Variants in COL17A1 observed in about 807,000 individuals in gnomAD.
COL17A1 encodes the protein collagen alpha-1(XVII) chain.
A neutral mutation model predicts 218.4 loss-of-function variants in COL17A1; 181 were observed. The observed-to-expected ratio is 0.83, with a 90% CI of 0.73 to 0.94. The LOEUF (loss-of-function observed/expected upper bound fraction) is 0.94. Ranked by LOEUF, COL17A1 falls within the 40% of genes least tolerant of loss-of-function variation. The pLI is 0.00. For synonymous variants in COL17A1, 721 were observed against 731.0 expected (o/e 0.99, Z 0.22); for missense variants, 1,924 against 1,945.9 (o/e 0.99, Z 0.21).
At position 104,038,525 on chromosome 10, in the gene COL17A1, C is replaced by A. The variant is rs758984573; in HGVS notation, c.2951G>T (p.Gly984Val). The part of the protein sequence containing the change: ...LGIPSGPSEG[G>V]SSSTMYVSGP... ...TGACACGTACATGGTACTTGATGAT[C>A]CCCCTGCAGCAAAGAGAAAGCGTCC... The change falls in exon 45 of 56, where the codon GGA (glycine) becomes GTA (valine). Residue 984 changes from glycine to valine, a missense_variant. Gly to Val is a moderately radical substitution (Grantham distance 109, BLOSUM62 -3). Coordinates refer to ENST00000648076, the MANE Select transcript of COL17A1 (RefSeq NM_000494.4). 6.2e-7 allele frequency: 1 copy of A among 1,611,994 alleles called. No homozygotes were observed. Among genetic ancestry groups the A allele is most frequent in the Non-Finnish European group, 8.5e-7 (1 of 1,179,948 alleles).
Position 104,077,521 on chromosome 10 carries a change from C to T in COL17A1, c.103G>A (p.Gly35Arg), listed in dbSNP as rs770596972. ...TRLTSLPPKG[G>R]TSNGYAKTAS... Reference sequence around the variant, plus strand: ...GTTTTAGCATAGCCATTGCTGGTCCCGCCTTCTGCCAGGAACAAAAGCAGG... The same window carrying T: ...GTTTTAGCATAGCCATTGCTGGTCCTGCCTTCTGCCAGGAACAAAAGCAGG... The change falls in exon 4 of 56, where the codon GGG becomes AGG. Residue 35 changes from glycine to arginine, a missense_variant. By Grantham distance (125) the Gly-to-Arg change is moderately radical (BLOSUM62 -2). Coordinates refer to ENST00000648076, the MANE Select transcript of COL17A1 (RefSeq NM_000494.4). 23 of 1,610,696 alleles carry T rather than the reference C, an allele frequency of 1.4e-5. No homozygotes were observed. Among genetic ancestry groups the T allele is most frequent in the East Asian group, 8.9e-5 (4 of 44,844 alleles).
chr10:104,036,662 C>A, intron 47 of COL17A1, 30 bp from the exon 48 acceptor site: 3 of 1,611,784 alleles, frequency 1.9e-6, no homozygotes, highest in Non-Finnish European at 1.7e-6. Flanking sequence ...CTAGCAGGAC[C>A]CACCCAGGCC....
At position 104,054,986 on chromosome 10, in the gene COL17A1, G is replaced by T; in HGVS notation, c.1739C>A (p.Pro580His). Residue 580 changes from proline to histidine, a missense_variant, in exon 20 of 56, where the codon CCT becomes CAT. Transcript: ENST00000648076. ...AATGCCCATGTTATAATTACCTTTA[G>T]GGCCTGGACTTCCCATGTCACCTGA... ...GPKGDMGSPG[P>H]KGDRGFPGTP... 1.2e-6 allele frequency: 2 copies of T among 1,614,084 alleles called. No individual in the cohort carries two copies. Among genetic ancestry groups the T allele is most frequent in the South Asian group, 1.1e-5 (1 of 91,058 alleles).
intron 32 of COL17A1, among the ~76,000 whole-genome samples, 161 bp from the exon 33 acceptor site, chr10:104,045,954 G>A (rs1323666237): frequency 6.6e-6 from 1 of 152,202 alleles, no homozygotes; most frequent in Non-Finnish European, 1.5e-5. Flanking sequence ...CAACCCCGGG[G>A]AGCCTCTTGC....
At chr10:104,077,310 T>TAA in intron 4 of COL17A1, 112 bp downstream of exon 4, 6 of 811,514 alleles carry the variant, frequency 7.4e-6, no homozygotes, top group Non-Finnish European at 1.3e-5. Flanking sequence ...AATTGTCCCT[T>TAA]TTGTGCACTG....
chr10:104,037,216 G>A (rs1221725760), intron 46 of COL17A1, 103 bp from the exon 47 acceptor site: 8 of 1,028,450 alleles, frequency 7.8e-6, no homozygotes, highest in Non-Finnish European at 1.5e-6. Flanking sequence ...GTTTGTCTTT[G>A]GGGGAAGTGG....
chr10:104,038,273 C>G (rs1589558202), intron 45 of COL17A1, 133 bp downstream of exon 45: 1 of 680,662 alleles, frequency 1.5e-6, no homozygotes, highest in East Asian at 3.4e-5. Context: ...CACACACACA[C>G]ACACACACTC....
chr10:104,053,061 G>T lies in COL17A1; in HGVS notation c.1909C>A (p.Pro637Thr). ...TCCCCTTTCTCTCCAGATCCAGGAG[G>T]CCCTGCCTCACCACGAGGTCCCATG... is the stretch of plus-strand genomic sequence containing the variant. Reference protein sequence around the residue: ...GPMGPRGEAGPPGSGEKGERG... With the variant: ...GPMGPRGEAGTPGSGEKGERG... The change falls in exon 23 of 56, where the codon CCT becomes ACT. Residue 637 changes from proline to threonine, a missense_variant. Transcript: ENST00000648076. 6 of 1,614,092 alleles carry T rather than the reference G, an allele frequency of 3.7e-6. No individual in the cohort carries two copies. Among genetic ancestry groups the T allele is most frequent in the Non-Finnish European group, 5.1e-6 (6 of 1,180,034 alleles).
At chr10:104,051,565 G>A (rs2086470339) in intron 24 of COL17A1, 49 bp from the exon 25 acceptor site, 1 of 1,611,818 alleles carries the variant, frequency 6.2e-7, no homozygotes, top group Non-Finnish European at 8.5e-7. Flanking sequence ...GATACAGGTG[G>A]GGACATCTGG....
chr10:104,040,145 A>G lies in COL17A1; in HGVS notation c.2762-146T>C. ...TTGTGCCTCTCCTCTCACTAGGCCA[A>G]TGTTGGGTGGCTATCCTTTGTAGAG... On this transcript the variant is annotated intron_variant, in intron 40 of 55. Transcript: ENST00000648076. The G allele has an allele frequency of 2.9e-6, 3 of 1,029,054 alleles. No homozygotes were observed. In the Admixed American group the frequency reaches 5.5e-5, roughly 19 times the overall value. The allele number at this position is 1,029,054 out of a possible 1,614,324, so 63.7% of individuals were successfully genotyped here.
intron 1 of COL17A1, among the ~76,000 whole-genome samples, chr10:104,082,651 A>G (rs2086774768): frequency 6.6e-6 from 1 of 152,198 alleles, no homozygotes; most frequent in African/African-American, 2.4e-5. Flanking sequence ...TGACAGCTAT[A>G]CATTTGGGAT....
At chr10:104,036,021 T>TGTGTGTATGGGAGTGA (rs2086284923) in intron 48 of COL17A1, among the ~76,000 whole-genome samples, 1 of 125,420 alleles carries the variant, frequency 8.0e-6, no homozygotes, top group Non-Finnish European at 1.7e-5. Flanking sequence ...TGTATGGGTG[T>TGTGTGTATGGGAGTGA]GTCTGAGTAT....
At chr10:104,035,168 C>T (rs755979655) in intron 50 of COL17A1, 95 bp downstream of exon 50, 7 of 1,064,914 alleles carry the variant, frequency 6.6e-6, no homozygotes, top group Non-Finnish European at 9.8e-6. Context: ...GTACAGGCTC[C>T]AGGAGCACTT....
At chr10:104,033,919 A>G (rs2086242187) in intron 52 of COL17A1, 26 bp downstream of exon 52, 2 of 1,614,052 alleles carry the variant, frequency 1.2e-6, no homozygotes, top group East Asian at 4.5e-5. Context: ...TCCCCCCAGC[A>G]CCAAGGCCTA....
At chr10:104,046,936 C>T (rs1015317497) in intron 31 of COL17A1, among the ~76,000 whole-genome samples, 163 bp from the exon 32 acceptor site, 1 of 152,226 alleles carries the variant, frequency 6.6e-6, no homozygotes, top group Non-Finnish European at 1.5e-5. Context: ...GACCTCTCAG[C>T]TCTGGATGGA....
chr10:104,046,906 C>T (rs568528444), intron 31 of COL17A1, 133 bp from the exon 32 acceptor site: 155 of 825,846 alleles, frequency 1.9e-4, no homozygotes, highest in Non-Finnish European at 2.8e-4. Flanking sequence ...CGTCTCATGC[C>T]GGGGCAGCCA....
chr10:104,035,476 CGCA>C lies in COL17A1; in HGVS notation c.3503_3505del (p.Leu1168del), dbSNP rs2134567723. The C allele has an allele frequency of 6.2e-7, 1 of 1,613,938 alleles. No homozygotes were observed. Among genetic ancestry groups the C allele is most frequent in the East Asian group, 2.2e-5 (1 of 44,854 alleles). ...AGATGTCCCCTGCTGGGCCTTACCT[CGCA>C]GCAAGGAGAGGAGCTCCTCATAGGA... On this transcript the variant is annotated inframe_deletion, in exon 49 of 56. Transcript: ENST00000648076.
At chr10:104,041,003 C>T (rs2134585345) in intron 39 of COL17A1, 62 bp downstream of exon 39, 2 of 1,589,174 alleles carry the variant, frequency 1.3e-6, no homozygotes, top group Non-Finnish European at 8.6e-7. Context: ...GCTACGGCCA[C>T]AGTCTGTGGC....
chr10:104,044,193 C>T (rs809304), intron 33 of COL17A1, among the ~76,000 whole-genome samples: 139,484 of 152,158 alleles, frequency 0.92, 65,143 homozygotes, highest in East Asian at 1. Flanking sequence ...CTGGGAATCG[C>T]CTTAGGTGGG....
Sources: gnomAD v4.1 joint callset for allele counts (sites outside exome capture counted in the v4.1 genomes callset) on GRCh38, gnomAD v4.1.1 for gene constraint, MANE v1.5 for transcripts, NCBI Gene and HGNC (gene_info 2026-07-23, HGNC 2026-07-21) for gene names.